Variants in OPRL1 observed in about 807,000 individuals in gnomAD.
The protein encoded by OPRL1 is nociceptin receptor.
OPRL1 carries 5 observed loss-of-function variants against 15.5 expected under a neutral mutation model. The ratio of observed to expected loss-of-function variants is 0.32; its 90% CI spans 0.17 to 0.68. The LOEUF is 0.68. Among genes scored for constraint, OPRL1 ranks in the 30% least tolerant of loss-of-function variants. The pLI, the probability that OPRL1 is intolerant of heterozygous loss-of-function variation, is 0.72. For missense variants in OPRL1, 406 were observed against 515.3 expected (o/e 0.79, Z 2.05); for synonymous variants, 223 against 230.2 (o/e 0.97, Z 0.28).
intron 1 of OPRL1, among the ~76,000 whole-genome samples, chr20:64,088,642 G>T (rs2060080782): frequency 1.3e-5 from 2 of 151,452 alleles, no homozygotes; most frequent in Admixed American, 6.6e-5. Flanking sequence ...AGAGTGGCCA[G>T]GATCTGTGCA....
At chr20:64,088,651 C>T (rs1412149720) in intron 1 of OPRL1, among the ~76,000 whole-genome samples, 2 of 151,002 alleles carry the variant, frequency 1.3e-5, no homozygotes, top group Non-Finnish European at 3.0e-5. Context: ...AGGATCTGTG[C>T]AGGGAGGCCA....
chr20:64,099,172 G>A lies in OPRL1; in HGVS notation c.*373G>A, dbSNP rs957159500. 2.4e-5 allele frequency: 7 copies of A among 291,732 alleles called. No homozygotes were observed. The highest frequency in any genetic ancestry group is 4.7e-5 in the Admixed American group (1 of 21,278). The allele number at this position is 291,732 out of a possible 1,614,324, so 18.1% of individuals were successfully genotyped here. On this transcript the variant is annotated 3_prime_UTR_variant, in exon 5 of 5. Transcript: ENST00000336866. ...TGACTCTTGGCCTCTCTGCTGCTGCGTTGGCAGAACCCTGGGTGGGCAGGC... is the reference window on the plus strand; with the variant it reads ...TGACTCTTGGCCTCTCTGCTGCTGCATTGGCAGAACCCTGGGTGGGCAGGC...
chr20:64,091,603 C>G (rs1036950756), intron 1 of OPRL1, among the ~76,000 whole-genome samples: 4 of 152,116 alleles, frequency 2.6e-5, no homozygotes, highest in Non-Finnish European at 5.9e-5. Context: ...TTCGGTGTGC[C>G]GGGAGCCCAG....
intron 3 of OPRL1, among the ~76,000 whole-genome samples, chr20:64,095,976 C>T (rs768016844): frequency 2.6e-5 from 4 of 152,068 alleles, no homozygotes; most frequent in South Asian, 2.1e-4. Flanking sequence ...CGTGGTCAGA[C>T]GAGACAGTGG....
Position 64,098,176 on chromosome 20 carries a change from C to T in OPRL1, c.589+19C>T, listed in dbSNP as rs1227728859. 1 of 1,608,182 alleles carries T rather than the reference C, an allele frequency of 6.2e-7. No individual in the cohort carries two copies. The highest frequency in any genetic ancestry group is 8.5e-7 in the Non-Finnish European group (1 of 1,176,240). On this transcript the variant is annotated intron_variant, in intron 4 of 4. Coordinates refer to ENST00000336866, the MANE Select transcript of OPRL1 (RefSeq NM_182647.4). ...GATGAAGGTCAGTGGGGTGTCCCCT[C>T]CTCCCCTCACCAGGCTCCCTGGCTC...
intron 1 of OPRL1, among the ~76,000 whole-genome samples, chr20:64,081,733 G>A (rs2059969901): frequency 2.0e-5 from 3 of 152,164 alleles, no homozygotes; most frequent in Admixed American, 6.5e-5. Context: ...ACAGGCAGGC[G>A]TCCCTCCAGG....
chr20:64,088,726 CTGTG>C, intron 1 of OPRL1, among the ~76,000 whole-genome samples: 1 of 8,464 alleles, frequency 1.2e-4, no homozygotes, highest in South Asian at 3.5e-3. Context: ...TGGCCAGGAT[CTGTG>C]CAAGGGGTAG....
chr20:64,080,678 A>C (rs540036494), intron 1 of OPRL1, among the ~76,000 whole-genome samples: 2 of 152,196 alleles, frequency 1.3e-5, no homozygotes, highest in African/African-American at 4.8e-5. Context: ...TAGGCTTCTC[A>C]TCGCAGCATG....
chr20:64,083,596 AG>A lies in OPRL1; in HGVS notation c.-185+3249del, dbSNP rs775398113. 4 of 1,492,156 alleles carry A rather than the reference AG, an allele frequency of 2.7e-6. No homozygotes were observed. The highest frequency in any genetic ancestry group is 2.7e-6 in the Non-Finnish European group (3 of 1,121,156). 92.4% of individuals were successfully genotyped at this position (1,492,156 alleles called of 1,614,324 possible). A position where few individuals can be genotyped will look rare whatever the true frequency, so the allele number is the denominator to read the frequency against. ...GCTTGTCTGCACCTCTTGGCGGTCC[AG>A]GGGGTCCGGGATCCGCGCGGGCTTC... is the stretch of plus-strand genomic sequence containing the variant. On this transcript the variant is annotated intron_variant, in intron 1 of 4. Transcript: ENST00000336866. This position sits in a 1 kb window ranked among gnomAD's most constrained non-coding sequence, Gnocchi z 4.9.
chr20:64,098,903 C>A lies in OPRL1; in HGVS notation c.*104C>A. 1 of 1,406,692 alleles carries A rather than the reference C, an allele frequency of 7.1e-7. No homozygotes were observed. The highest frequency in any genetic ancestry group is 9.4e-7 in the Non-Finnish European group (1 of 1,066,012). 87.1% of individuals were successfully genotyped at this position (1,406,692 alleles called of 1,614,324 possible). The stretch of plus-strand genomic sequence containing the variant: ...GCTCTCTAGGCGGACACACCCTGGG[C>A]CCTGAGCATCCAGAGCCTGGGATGG... On this transcript the variant is annotated 3_prime_UTR_variant, in exon 5 of 5. Transcript: ENST00000336866.
Position 64,083,709 on chromosome 20 carries a change from CG to C in OPRL1, c.-185+3361del. 1 of 1,378,212 alleles carries C rather than the reference CG, an allele frequency of 7.3e-7. No homozygotes were observed. Among genetic ancestry groups the C allele is most frequent in the Non-Finnish European group, 9.3e-7 (1 of 1,074,994 alleles). 85.4% of individuals were successfully genotyped at this position (1,378,212 alleles called of 1,614,324 possible). A position where few individuals can be genotyped will look rare whatever the true frequency, so the allele number is the denominator to read the frequency against. On this transcript the variant is annotated intron_variant, in intron 1 of 4. Transcript: ENST00000336866. This position sits in a 1 kb window ranked among gnomAD's most constrained non-coding sequence, Gnocchi z 4.9. The stretch of plus-strand genomic sequence containing the variant: ...TGAGCAGCGCGATCTCCTCGGCCTG[CG>C]GGGCCCGGGTAGCTGAGCGCGCGCC...
At position 64,098,832 on chromosome 20, in the gene OPRL1, C is replaced by T; in HGVS notation, c.*33C>T. 6 of 1,558,474 alleles carry T rather than the reference C, an allele frequency of 3.8e-6. No individual in the cohort carries two copies. Among genetic ancestry groups the T allele is most frequent in the Non-Finnish European group, 4.3e-6 (5 of 1,158,260 alleles). ...TGGACCTGCCCATGGTGCCTGTCAGCCCGCAGAGCCCATCTACGCCCAACA... is the reference window on the plus strand; with the variant it reads ...TGGACCTGCCCATGGTGCCTGTCAGTCCGCAGAGCCCATCTACGCCCAACA... On this transcript the variant is annotated 3_prime_UTR_variant, in exon 5 of 5. Coordinates refer to ENST00000336866, the MANE Select transcript of OPRL1 (RefSeq NM_182647.4).
rs1265572157 is a variant in OPRL1, at chr20:64,084,098, T to C, written c.-185+3746T>C. 4.7e-6 allele frequency: 7 copies of C among 1,480,096 alleles called. No individual in the cohort carries two copies. In the South Asian group the frequency reaches 5.1e-5, roughly 11 times the overall value. The allele number at this position is 1,480,096 out of a possible 1,614,324, so 91.7% of individuals were successfully genotyped here. ...CTGCGGCGTCAGGGCCCAGCCCGGC[T>C]TGGGGGGCTCTGTCGCGGGCGCCCC... is the stretch of plus-strand genomic sequence containing the variant. On this transcript the variant is annotated intron_variant, in intron 1 of 4. Transcript: ENST00000336866.
At position 64,083,672 on chromosome 20, in the gene OPRL1, T is replaced by TC; in HGVS notation, c.-185+3321dup. The stretch of plus-strand genomic sequence containing the variant: ...AGCCGGATGGCGGCGCGCGCGGACT[T>TC]CTGCCGCTGGATGAGCAGCGCGATC... On this transcript the variant is annotated intron_variant, in intron 1 of 4. Coordinates refer to ENST00000336866, the MANE Select transcript of OPRL1 (RefSeq NM_182647.4). The surrounding 1 kb of genome is among the most constrained non-coding windows in gnomAD (Gnocchi z 4.9). The TC allele has an allele frequency of 7.0e-7, 1 of 1,431,602 alleles. No homozygotes were observed. Among genetic ancestry groups the TC allele is most frequent in the South Asian group, 1.4e-5 (1 of 69,856 alleles). 88.7% of individuals were successfully genotyped at this position (1,431,602 alleles called of 1,614,324 possible).
At chr20:64,092,985 A>G (rs1978381423) in intron 3 of OPRL1, 32 bp downstream of exon 3, 1 of 1,587,470 alleles carries the variant, frequency 6.3e-7, no homozygotes, top group African/African-American at 1.3e-5. Flanking sequence ...CTGTCTGGTG[A>G]GTCCCACACG....
intron 1 of OPRL1, chr20:64,084,197 C>T: frequency 7.0e-7 from 1 of 1,430,544 alleles, no homozygotes; most frequent in South Asian, 1.4e-5. Flanking sequence ...CTTGCGCCCG[C>T]CCTCCTTCGC....
At position 64,090,418 on chromosome 20, in the gene OPRL1, A is replaced by C. The variant is rs2060107988; in HGVS notation, c.-184-1548A>C. On this transcript the variant is annotated intron_variant, in intron 1 of 4. Coordinates refer to ENST00000336866, the MANE Select transcript of OPRL1 (RefSeq NM_182647.4). This position sits in a 1 kb window ranked among gnomAD's most constrained non-coding sequence, Gnocchi z 4.9. The stretch of plus-strand genomic sequence containing the variant: ...CATCTGCCTGTTCCGTCCTCTCCTG[A>C]TTTGCCAGGTATCCTAGCAACGCTG... Among the ~76,000 whole-genome samples, 1 of 152,134 alleles carries C rather than the reference A, an allele frequency of 6.6e-6. No individual in the cohort carries two copies. Among genetic ancestry groups the C allele is most frequent in the East Asian group, 1.9e-4 (1 of 5,188 alleles).
chr20:64,083,442 G>C lies in OPRL1; in HGVS notation c.-185+3090G>C, dbSNP rs572576178. On this transcript the variant is annotated intron_variant, in intron 1 of 4. Transcript: ENST00000336866. This position sits in a 1 kb window ranked among gnomAD's most constrained non-coding sequence, Gnocchi z 4.9. ...GCACACTCTCAGTCGCCGTCACCGC[G>C]GGAAGATGGTGCCATCCACGTTCTC... 5.0e-6 allele frequency: 8 copies of C among 1,610,864 alleles called. No individual in the cohort carries two copies. The highest frequency in any genetic ancestry group is 5.9e-6 in the Non-Finnish European group (7 of 1,179,220).
Position 64,083,412 on chromosome 20 carries a change from G to C in OPRL1, c.-185+3060G>C, listed in dbSNP as rs781361402. On this transcript the variant is annotated intron_variant, in intron 1 of 4. Coordinates refer to ENST00000336866, the MANE Select transcript of OPRL1 (RefSeq NM_182647.4). This position sits in a 1 kb window ranked among gnomAD's most constrained non-coding sequence, Gnocchi z 4.9. ...ATAACTTTATGTGGGAGGCTGGGGC[G>C]CGTCGCACACTCTCAGTCGCCGTCA... 23 of 1,611,724 alleles carry C rather than the reference G, an allele frequency of 1.4e-5. No homozygotes were observed. Among genetic ancestry groups the C allele is most frequent in the Non-Finnish European group, 1.9e-5 (22 of 1,179,592 alleles).
Sources: gnomAD v4.1 joint callset for allele counts (sites outside exome capture counted in the v4.1 genomes callset) on GRCh38, gnomAD v4.1.1 for gene constraint, Gnocchi (gnomAD v3.1) non-coding constraint, MANE v1.5 for transcripts, NCBI Gene and HGNC (gene_info 2026-07-23, HGNC 2026-07-21) for gene names.